The following CORO2B variants were observed in gnomAD, a reference collection of about 807,000 sequenced individuals.
The protein encoded by CORO2B is coronin 2B.
Under a neutral mutation model 58.8 loss-of-function variants are expected in CORO2B, and 26 were observed. That is an observed-to-expected ratio of 0.44 (90% CI 0.32 to 0.61). The LOEUF (loss-of-function observed/expected upper bound fraction) is 0.61. CORO2B is among the 20% of genes least tolerant of loss of function. The probability of loss-of-function intolerance (pLI) is 0.04; values close to 1 mark genes in which losing one functional copy is unlikely to be tolerated. For missense variants in CORO2B, 460 were observed against 645.1 expected (o/e 0.71, Z 3.11); for synonymous variants, 242 against 253.8 (o/e 0.95, Z 0.44).
At chr15:68,652,641 C>T (rs1318624135) in intron 2 of CORO2B, among the ~76,000 whole-genome samples, 1 of 152,232 alleles carries the variant, frequency 6.6e-6, no homozygotes, top group Non-Finnish European at 1.5e-5. Flanking sequence ...GTGCATTCTC[C>T]TTCCCCACCA....
At chr15:68,611,273 C>T (rs1900242176) in intron 1 of CORO2B, among the ~76,000 whole-genome samples, 1 of 152,122 alleles carries the variant, frequency 6.6e-6, no homozygotes, top group South Asian at 2.1e-4. Context: ...AAAAATGATA[C>T]ATGTTCATTC....
At chr15:68,565,097 A>T in the CORO2B span, among the ~76,000 whole-genome samples, 25 of 152,202 alleles carry the variant, frequency 1.6e-4, no homozygotes, top group Non-Finnish European at 3.4e-4. Flanking sequence ...TCTTTAATTA[A>T]TTATGAGCAA....
chr15:68,583,960 T>C (rs1204593458), intron 1 of CORO2B, among the ~76,000 whole-genome samples: 1 of 152,232 alleles, frequency 6.6e-6, no homozygotes, highest in Non-Finnish European at 1.5e-5. Context: ...CTTCCAGATA[T>C]CCAGCATTCT....
At chr15:68,712,409 A>G (rs1298890790) in intron 5 of CORO2B, among the ~76,000 whole-genome samples, 1 of 152,202 alleles carries the variant, frequency 6.6e-6, no homozygotes, top group Non-Finnish European at 1.5e-5. Flanking sequence ...CCAAAATCCA[A>G]AAGACTCCAA....
At chr15:68,534,748 C>T in the CORO2B span, among the ~76,000 whole-genome samples, 1 of 152,138 alleles carries the variant, frequency 6.6e-6, no homozygotes, top group Non-Finnish European at 1.5e-5. Flanking sequence ...TTTCATGCTG[C>T]TGATAAAGAC....
At chr15:68,712,881 T>C (rs1892952840) in intron 5 of CORO2B, among the ~76,000 whole-genome samples, 1 of 152,100 alleles carries the variant, frequency 6.6e-6, no homozygotes, top group Non-Finnish European at 1.5e-5. Flanking sequence ...AGAATGTTTA[T>C]GAACAGAGAA....
chr15:68,534,432 T>C, the CORO2B span, among the ~76,000 whole-genome samples: 2 of 152,364 alleles, frequency 1.3e-5, no homozygotes, highest in South Asian at 2.1e-4. Flanking sequence ...AACATCTTCA[T>C]AGTGTTTTAT....
chr15:68,631,780 G>A (rs1434227263), intron 1 of CORO2B, among the ~76,000 whole-genome samples: 1 of 152,158 alleles, frequency 6.6e-6, no homozygotes, highest in Non-Finnish European at 1.5e-5. Flanking sequence ...GACCCCGTGG[G>A]GCCAATTCGT....
the CORO2B span, among the ~76,000 whole-genome samples, chr15:68,555,519 A>G: frequency 3.3e-5 from 5 of 152,138 alleles, no homozygotes; most frequent in African/African-American, 4.8e-5. Flanking sequence ...TGCCTGCTCC[A>G]TGGGTTGTGG....
At chr15:68,531,666 T>G in the CORO2B span, among the ~76,000 whole-genome samples, 2 of 151,554 alleles carry the variant, frequency 1.3e-5, no homozygotes, top group African/African-American at 4.8e-5. Flanking sequence ...GGAAACTCTA[T>G]CTCAAAAAAG....
chr15:68,594,165 C>T (rs1447107179), intron 1 of CORO2B, among the ~76,000 whole-genome samples: 4 of 152,170 alleles, frequency 2.6e-5, no homozygotes, highest in South Asian at 4.1e-4. Context: ...CCCTCTAAAT[C>T]GCTGAGGTTT....
intron 1 of CORO2B, among the ~76,000 whole-genome samples, chr15:68,579,746 G>A (rs1023786199): frequency 1.3e-5 from 2 of 152,196 alleles, no homozygotes; most frequent in African/African-American, 2.4e-5. Context: ...CCCATGCCGG[G>A]AGCGCTGGCT....
intron 2 of CORO2B, among the ~76,000 whole-genome samples, chr15:68,649,893 T>G (rs1292124569): frequency 2.6e-5 from 4 of 152,090 alleles, no homozygotes; most frequent in Non-Finnish European, 5.9e-5. Flanking sequence ...AGAGAGAGAA[T>G]GAGAGTGAAG....
chr15:68,606,550 T>C (rs1900129630), intron 1 of CORO2B, among the ~76,000 whole-genome samples: 1 of 152,230 alleles, frequency 6.6e-6, no homozygotes, highest in South Asian at 2.1e-4. Context: ...TTCCTTAAAG[T>C]AAACATTTTC....
intron 1 of CORO2B, among the ~76,000 whole-genome samples, chr15:68,591,025 G>C (rs1400139607): frequency 6.6e-6 from 1 of 152,244 alleles, no homozygotes; most frequent in Admixed American, 6.5e-5. Context: ...CATTGAGGGT[G>C]CAGGGATGAA....
At chr15:68,585,908 T>G (rs12899032) in intron 1 of CORO2B, among the ~76,000 whole-genome samples, 95,796 of 152,102 alleles carry the variant, frequency 0.63, 31,191 homozygotes, top group East Asian at 0.86. Context: ...GAACAAAGTA[T>G]GACAGAGGCA....
the CORO2B span, among the ~76,000 whole-genome samples, chr15:68,561,663 G>A: frequency 6.6e-6 from 1 of 152,204 alleles, no homozygotes; most frequent in Non-Finnish European, 1.5e-5. Flanking sequence ...GCCTGAGAGA[G>A]GGTGGGCAGA....
upstream of CORO2B, among the ~76,000 whole-genome samples, chr15:68,576,527 G>A (rs1294353177): frequency 6.6e-6 from 1 of 152,186 alleles, no homozygotes; most frequent in African/African-American, 2.4e-5. Context: ...GACAATCTGG[G>A]ATTTGAAATC....
chr15:68,609,851 G>A (rs1305755120), intron 1 of CORO2B, among the ~76,000 whole-genome samples: 7 of 152,180 alleles, frequency 4.6e-5, no homozygotes, highest in African/African-American at 1.7e-4. Flanking sequence ...TGGCAGGCAG[G>A]GTGGGCTGGG....
Sources: gnomAD v4.1 joint callset for allele counts (sites outside exome capture counted in the v4.1 genomes callset) on GRCh38, gnomAD v4.1.1 for gene constraint, MANE v1.5 for transcripts, NCBI Gene and HGNC (gene_info 2026-07-23, HGNC 2026-07-21) for gene names.